The following B4GALT1 variants were observed in gnomAD, a reference collection of about 807,000 sequenced individuals.
The protein encoded by B4GALT1 is beta-1,4-galactosyltransferase 1.
Under a neutral mutation model 34.9 loss-of-function variants are expected in B4GALT1, and 16 were observed. That is an observed-to-expected ratio of 0.46 (90% CI 0.31 to 0.70). B4GALT1 has a LOEUF of 0.70. B4GALT1 is among the 30% of genes least tolerant of loss of function. The pLI is 0.05. For missense variants in B4GALT1, 445 were observed against 530.5 expected, an observed-to-expected ratio of 0.84 and a Z score of 1.58; for synonymous variants, 221 against 218.1, an observed-to-expected ratio of 1.01 and a Z score of -0.12.
At position 33,150,764 on chromosome 9, in the gene B4GALT1, T is replaced by C. The variant is rs74916458; in HGVS notation, c.413-15340A>G. On this transcript the variant is annotated intron_variant, in intron 1 of 5. Transcript: ENST00000379731. The stretch of plus-strand genomic sequence containing the variant: ...AATTTTTTTTAAAGTTAAGAATACA[T>C]CTATGTATAAAGCAGTGGCTTCCAT... Among the ~76,000 whole-genome samples, 54 of 152,326 alleles carry C rather than the reference T, an allele frequency of 3.5e-4. No homozygotes were observed. The East Asian group carries it at 0.01, about 29-fold the overall frequency.
At chr9:33,176,737 A>G in the B4GALT1 span, among the ~76,000 whole-genome samples, 1 of 152,114 alleles carries the variant, frequency 6.6e-6, no homozygotes, top group Non-Finnish European at 1.5e-5. Flanking sequence ...AAAACTGCCC[A>G]TCAGGTACTA....
chr9:33,145,463 C>A (rs1388673924), intron 1 of B4GALT1, among the ~76,000 whole-genome samples: 1 of 152,128 alleles, frequency 6.6e-6, no homozygotes, highest in African/African-American at 2.4e-5. Flanking sequence ...GATGCTCTCG[C>A]CAAGGGTATC....
chr9:33,132,903 T>G (rs1198690026), intron 2 of B4GALT1, among the ~76,000 whole-genome samples: 3 of 152,088 alleles, frequency 2.0e-5, no homozygotes, highest in Non-Finnish European at 2.9e-5. Flanking sequence ...TTTATTTATT[T>G]ATTTATTTTA....
At chr9:33,113,684 C>T in intron 5 of B4GALT1, 90 bp downstream of exon 5, 1 of 1,607,330 alleles carries the variant, frequency 6.2e-7, no homozygotes, top group South Asian at 1.1e-5. Context: ...GTAACCTGAC[C>T]ACCTCAATTT....
Position 33,129,973 on chromosome 9 carries a change from T to A in B4GALT1, c.648+5216A>T, listed in dbSNP as rs1399669453. On this transcript the variant is annotated intron_variant, in intron 2 of 5. Transcript: ENST00000379731. ...TTCCGACCATTTAGACCGTTGCCTG[T>A]AGGCAGTCGTGAAATGCTAACAGGT... Among the ~76,000 whole-genome samples, 3 of 151,874 alleles carry A rather than the reference T, an allele frequency of 2.0e-5. No individual in the cohort carries two copies. In the East Asian group the frequency reaches 5.8e-4, roughly 29 times the overall value.
intron 1 of B4GALT1, among the ~76,000 whole-genome samples, chr9:33,137,318 A>G (rs1840285780): frequency 6.6e-6 from 1 of 152,210 alleles, no homozygotes; most frequent in Admixed American, 6.5e-5. Flanking sequence ...ATTGAGAGAT[A>G]GGCCTCAATC....
intron 2 of B4GALT1, among the ~76,000 whole-genome samples, chr9:33,122,645 T>A (rs1840038207): frequency 6.6e-6 from 1 of 152,058 alleles, no homozygotes; most frequent in Non-Finnish European, 1.5e-5. Context: ...GCAAACCACT[T>A]AGAGAAAGAG....
At chr9:33,137,886 G>T (rs369791742) in intron 1 of B4GALT1, among the ~76,000 whole-genome samples, 1 of 152,068 alleles carries the variant, frequency 6.6e-6, no homozygotes, top group African/African-American at 2.4e-5. Flanking sequence ...AAAGGCTACT[G>T]GGGGGGCCCT....
At chr9:33,116,616 G>T (rs953280799) in intron 3 of B4GALT1, among the ~76,000 whole-genome samples, 5 of 146,596 alleles carry the variant, frequency 3.4e-5, no homozygotes, top group African/African-American at 5.0e-5. Context: ...CGCCTCCCAG[G>T]TTTTCAAGTA....
At chr9:33,105,100 G>A (rs751765378) in intron 2 of B4GALT1, among the ~76,000 whole-genome samples, 20 of 151,524 alleles carry the variant, frequency 1.3e-4, no homozygotes, top group Non-Finnish European at 2.1e-4. Context: ...GATTACTGGC[G>A]TGAGCCACTC....
chr9:33,152,624 C>T (rs112906036), intron 1 of B4GALT1, among the ~76,000 whole-genome samples: 22,950 of 151,708 alleles, frequency 0.15, 2,074 homozygotes, highest in East Asian at 0.34. Flanking sequence ...CACCTGTAAT[C>T]CCAGCACTTT....
At position 33,111,276 on chromosome 9, in the gene B4GALT1, A is replaced by AAAAAAAAAAAAAAAAAC. The variant is rs1564033760; in HGVS notation, c.*2177_*2178insGTTTTTTTTTTTTTTTT. 25 of 106,012 alleles carry AAAAAAAAAAAAAAAAAC rather than the reference A, an allele frequency of 2.4e-4. 1 individual carries two copies. Among genetic ancestry groups the AAAAAAAAAAAAAAAAAC allele is most frequent in the Non-Finnish European group, 4.1e-4 (20 of 49,220 alleles). The allele number at this position is 106,012 out of a possible 1,614,324, so 6.6% of individuals were successfully genotyped here. On this transcript the variant is annotated 3_prime_UTR_variant, in exon 6 of 6. Transcript: ENST00000379731. ...AAAAAAAAAAAAAAAAAAAAAAAAA[A>AAAAAAAAAAAAAAAAAC]AACAACAAGAAAAGGTAGAGTTTGG...
At chr9:33,139,137 T>A (rs1373838495) in intron 1 of B4GALT1, among the ~76,000 whole-genome samples, 1 of 152,168 alleles carries the variant, frequency 6.6e-6, no homozygotes, top group Admixed American at 6.5e-5. Flanking sequence ...TTTCAATTTG[T>A]TTCAATTGAT....
chr9:33,108,291 C>A (rs1008893726), downstream of B4GALT1, among the ~76,000 whole-genome samples: 1 of 151,814 alleles, frequency 6.6e-6, no homozygotes, highest in African/African-American at 2.4e-5. Context: ...ATAGTGAGAT[C>A]CCTGTCTCTA....
the B4GALT1 span, among the ~76,000 whole-genome samples, chr9:33,176,383 G>T: frequency 6.6e-6 from 1 of 151,920 alleles, no homozygotes; most frequent in Admixed American, 6.5e-5. Flanking sequence ...CAAATCTCAA[G>T]ATAAGCCCTT....
At chr9:33,153,077 C>G (rs937307083) in intron 1 of B4GALT1, among the ~76,000 whole-genome samples, 2 of 151,974 alleles carry the variant, frequency 1.3e-5, no homozygotes, top group African/African-American at 4.8e-5. Flanking sequence ...CCAATAAACA[C>G]GTGAAAATTT....
At chr9:33,139,392 G>A (rs1430137244) in intron 1 of B4GALT1, among the ~76,000 whole-genome samples, 2 of 152,132 alleles carry the variant, frequency 1.3e-5, no homozygotes, top group Non-Finnish European at 1.5e-5. Context: ...TGTGCCCCTT[G>A]CACAACCCCC....
At chr9:33,124,902 C>G (rs1840069472) in intron 2 of B4GALT1, among the ~76,000 whole-genome samples, 1 of 152,122 alleles carries the variant, frequency 6.6e-6, no homozygotes, top group South Asian at 2.1e-4. Context: ...GTCAGGGGGA[C>G]CTCTGGAGGC....
chr9:33,125,271 G>A (rs541717657), intron 2 of B4GALT1, among the ~76,000 whole-genome samples: 5 of 152,256 alleles, frequency 3.3e-5, no homozygotes, highest in African/African-American at 9.6e-5. Flanking sequence ...TGTAAAGGCG[G>A]TAAGGAAAAG....
Sources: allele counts gnomAD v4.1 joint callset (sites outside exome capture counted in the v4.1 genomes callset), GRCh38; gene constraint gnomAD v4.1.1; transcripts MANE v1.5; gene names NCBI Gene and HGNC (gene_info 2026-07-23, HGNC 2026-07-21).